RNF157: variants seen among roughly 807,000 people sequenced by gnomAD.
RNF157 encodes E3 ubiquitin ligase RNF157.
Under a neutral mutation model 88.3 loss-of-function variants are expected in RNF157, and 55 were observed. The ratio of observed to expected loss-of-function variants is 0.62; its 90% CI spans 0.50 to 0.78. RNF157 has a LOEUF of 0.78. RNF157 is among the 30% of genes least tolerant of loss of function. The pLI, the probability that RNF157 is intolerant of heterozygous loss-of-function variation, is 0.00. For synonymous variants in RNF157, 334 were observed against 341.2 expected, an observed-to-expected ratio of 0.98 and a Z score of 0.23; for missense variants, 788 against 860.8, an observed-to-expected ratio of 0.92 and a Z score of 1.06.
intron 1 of RNF157, among the ~76,000 whole-genome samples, chr17:76,217,387 T>C (rs1598437605): frequency 6.6e-6 from 1 of 152,230 alleles, no homozygotes; most frequent in African/African-American, 2.4e-5. Context: ...TTTTCCTTTC[T>C]TTGAAATGAA....
In RNF157 at chr17:76,207,053, C is replaced by T. The variant is rs115429785; in HGVS notation, c.207+5311G>A. Among the ~76,000 whole-genome samples, 928 of 152,272 alleles carry T rather than the reference C, an allele frequency of 6.1e-3. 11 individuals carry two copies. The highest frequency in any genetic ancestry group is 0.021 in the African/African-American group (883 of 41,564). On this transcript the variant is annotated intron_variant, in intron 2 of 18. Coordinates refer to ENST00000269391, the MANE Select transcript of RNF157 (RefSeq NM_052916.3). ...AACTTGAAATCTAGATTCCAACTTT[C>T]TTCCACCATCTTTCTGTATATACAC...
intron 2 of RNF157, among the ~76,000 whole-genome samples, chr17:76,210,599 A>AG (rs1372724229): frequency 6.7e-6 from 1 of 150,282 alleles, no homozygotes; most frequent in East Asian, 1.9e-4. Flanking sequence ...AAAAAAAAAA[A>AG]AAAAAGAAAG....
chr17:76,240,200 T>A lies in RNF157; in HGVS notation c.41A>T (p.Glu14Val). ...LTSRQHAGVE[E>V]VDIPSNSVYR... ...CACGGAATTAGACGGGATGTCCACC[T>A]CCTCCACGCCCGCGTGCTGCCGGCT... Residue 14 changes from glutamate (E) to valine (V), a missense_variant, in exon 1 of 19, where the codon GAG (glutamate) becomes GTG (valine). Coordinates refer to ENST00000269391, the MANE Select transcript of RNF157 (RefSeq NM_052916.3). The surrounding 1 kb of genome is among the most constrained non-coding windows in gnomAD (Gnocchi z 4.4). 3 of 1,409,686 alleles carry A rather than the reference T, an allele frequency of 2.1e-6. No individual in the cohort carries two copies. Among genetic ancestry groups the A allele is most frequent in the African/African-American group, 1.5e-5 (1 of 68,270 alleles). The allele number at this position is 1,409,686 out of a possible 1,614,324, so 87.3% of individuals were successfully genotyped here. A position where few individuals can be genotyped will look rare whatever the true frequency, so the allele number is the denominator to read the frequency against.
chr17:76,161,812 C>T lies in RNF157; in HGVS notation c.952+31G>A, dbSNP rs1263218579. ...AATGTCCTCTTGTCCCCTCTCCCAC[C>T]CACCAGTCCCCCTGCCGCTCTGGGG... On this transcript the variant is annotated intron_variant, in intron 10 of 18. Coordinates refer to ENST00000269391, the MANE Select transcript of RNF157 (RefSeq NM_052916.3). This position sits in a 1 kb window ranked among gnomAD's most constrained non-coding sequence, Gnocchi z 4.6. 3 of 1,606,428 alleles carry T rather than the reference C, an allele frequency of 1.9e-6. No individual in the cohort carries two copies. The highest frequency in any genetic ancestry group is 4.5e-5 in the East Asian group (2 of 44,746).
intron 18 of RNF157, among the ~76,000 whole-genome samples, chr17:76,151,346 G>A (rs758976149): frequency 7.9e-5 from 12 of 152,382 alleles, no homozygotes; most frequent in African/African-American, 2.4e-4. Flanking sequence ...TGTGGGGCCA[G>A]AGTGTGCTTG....
Position 76,146,629 on chromosome 17 carries a change from G to A in RNF157, c.1922-1276C>T. ...CATCTCTGGCCGGGGGAGGCCCAGT[G>A]TGCTCCTAAGTGCTCCCTGCAGCCT... On this transcript the variant is annotated intron_variant, in intron 18 of 18. Transcript: ENST00000269391. The surrounding 1 kb of genome is among the most constrained non-coding windows in gnomAD (Gnocchi z 4.2). 4.1e-6 allele frequency: 4 copies of A among 985,478 alleles called. No homozygotes were observed. Among genetic ancestry groups the A allele is most frequent in the Non-Finnish European group, 4.8e-6 (4 of 829,936 alleles). 61.0% of individuals were successfully genotyped at this position (985,478 alleles called of 1,614,324 possible).
intron 1 of RNF157, among the ~76,000 whole-genome samples, chr17:76,235,533 C>T (rs2070268728): frequency 6.6e-6 from 1 of 152,152 alleles, no homozygotes; most frequent in South Asian, 2.1e-4. Context: ...GGTTTCAAAT[C>T]TAATATTAAA....
At chr17:76,220,655 A>AT (rs557955508) in intron 1 of RNF157, among the ~76,000 whole-genome samples, 1,897 of 147,716 alleles carry the variant, frequency 0.013, 30 homozygotes, top group Admixed American at 0.055. Flanking sequence ...CAAATTTATT[A>AT]TTTTTTTTTT....
At chr17:76,171,465 T>G (rs1251406020) in intron 3 of RNF157, among the ~76,000 whole-genome samples, 3 of 152,110 alleles carry the variant, frequency 2.0e-5, no homozygotes, top group African/African-American at 7.2e-5. Flanking sequence ...TGGGATTACA[T>G]GCATGAGCCA....
At chr17:76,164,233 G>A (rs2068887839) in intron 8 of RNF157, 1 of 152,310 alleles carries the variant, frequency 6.6e-6, no homozygotes, top group Non-Finnish European at 1.5e-5. Context: ...GGACTTTCTA[G>A]CAGACATATG....
chr17:76,152,266 G>A (rs2068689726), intron 18 of RNF157, 89 bp downstream of exon 18: 3 of 858,448 alleles, frequency 3.5e-6, no homozygotes, highest in East Asian at 2.4e-5. Flanking sequence ...GAACTGCAGG[G>A]CAGGAGATGG....
chr17:76,237,594 C>G (rs957246817), intron 1 of RNF157, among the ~76,000 whole-genome samples: 10 of 152,140 alleles, frequency 6.6e-5, no homozygotes, highest in African/African-American at 2.4e-4. Context: ...GTTCAAAACC[C>G]AATTCCTTGA....
intron 1 of RNF157, among the ~76,000 whole-genome samples, chr17:76,236,596 ACTTT>A (rs1431507680): frequency 6.6e-6 from 1 of 152,178 alleles, no homozygotes; most frequent in Non-Finnish European, 1.5e-5. Flanking sequence ...CTCCCACCAT[ACTTT>A]CTATTACTTA....
At chr17:76,189,993 T>C (rs1375748225) in intron 2 of RNF157, among the ~76,000 whole-genome samples, 2 of 152,046 alleles carry the variant, frequency 1.3e-5, no homozygotes, top group African/African-American at 4.8e-5. Flanking sequence ...CATGGCCAAG[T>C]GTAGCAAGCA....
chr17:76,156,968 C>CT (rs1266740527), intron 13 of RNF157, among the ~76,000 whole-genome samples: 97 of 146,456 alleles, frequency 6.6e-4, no homozygotes, highest in South Asian at 8.6e-4. Context: ...TTTTTTTTCA[C>CT]TTTTTTTTTT....
Position 76,240,040 on chromosome 17 carries a change from T to C in RNF157, c.88+113A>G. On this transcript the variant is annotated intron_variant, in intron 1 of 18. Coordinates refer to ENST00000269391, the MANE Select transcript of RNF157 (RefSeq NM_052916.3). This position sits in a 1 kb window ranked among gnomAD's most constrained non-coding sequence, Gnocchi z 4.4. ...CGCGCTCGAAGACCGTTTCGGAGCG[T>C]CCGCAACCACTGAGTCCCCGAAGAC... 1 of 445,574 alleles carries C rather than the reference T, an allele frequency of 2.2e-6. No homozygotes were observed. The highest frequency in any genetic ancestry group is 3.4e-6 in the Non-Finnish European group (1 of 295,314). 27.6% of individuals were successfully genotyped at this position (445,574 alleles called of 1,614,324 possible). A position where few individuals can be genotyped will look rare whatever the true frequency, so the allele number is the denominator to read the frequency against.
Position 76,226,922 on chromosome 17 carries a change from G to T in RNF157, c.88+13231C>A, listed in dbSNP as rs139391612. ...GCGCCATGGCTTAAGCCGCTGGGGG[G>T]TGCCGCTGCAGAGCCTGGTGCTGCT... is the stretch of plus-strand genomic sequence containing the variant. On this transcript the variant is annotated intron_variant, in intron 1 of 18. Coordinates refer to ENST00000269391, the MANE Select transcript of RNF157 (RefSeq NM_052916.3). The T allele has an allele frequency of 1.2e-5, 10 of 806,578 alleles. No homozygotes were observed. The East Asian group carries it at 1.9e-4, about 15-fold the overall frequency. The allele number at this position is 806,578 out of a possible 1,614,324, so 50.0% of individuals were successfully genotyped here.
At chr17:76,226,597 G>A in intron 1 of RNF157, 5 of 1,613,508 alleles carry the variant, frequency 3.1e-6, no homozygotes, top group Non-Finnish European at 3.4e-6. Context: ...TGTTGTTGGA[G>A]GGACTGACCA....
intron 5 of RNF157, 47 bp downstream of exon 5, chr17:76,166,962 A>C (rs372749559): frequency 2.0e-4 from 277 of 1,352,536 alleles, no homozygotes; most frequent in Non-Finnish European, 2.7e-4. Flanking sequence ...AGTAGCCCCT[A>C]GGCCCTTCTG....
Sources: gnomAD v4.1 joint callset for allele counts (sites outside exome capture counted in the v4.1 genomes callset) on GRCh38, gnomAD v4.1.1 for gene constraint, Gnocchi (gnomAD v3.1) non-coding constraint, MANE v1.5 for transcripts, NCBI Gene and HGNC (gene_info 2026-07-23, HGNC 2026-07-21) for gene names.